NELL1: variants seen among roughly 807,000 people sequenced by gnomAD.
NELL1 encodes protein kinase C-binding protein NELL1.
Under a neutral mutation model 107.4 loss-of-function variants are expected in NELL1, and 76 were observed. That is an observed-to-expected ratio of 0.71 (90% confidence interval 0.59 to 0.86). The LOEUF (loss-of-function observed/expected upper bound fraction) is 0.86, where lower values mean the gene tolerates loss of function less well. Ranked by LOEUF, NELL1 falls within the 40% of genes least tolerant of loss-of-function variation. The pLI is 0.00. For missense variants in NELL1, 1,024 were observed against 1,005.5 expected, an observed-to-expected ratio of 1.02 and a Z score of -0.25; for synonymous variants, 353 against 341.2, an observed-to-expected ratio of 1.03 and a Z score of -0.38.
Position 20,828,020 on chromosome 11 carries a change from C to A in NELL1, c.336-19563C>A, listed in dbSNP as rs1461757852. 1.3e-5 allele frequency among the ~76,000 whole-genome samples: 2 copies of A among 151,278 alleles called. 1 individual carries two copies. Among genetic ancestry groups the A allele is most frequent in the Non-Finnish European group, 3.0e-5 (2 of 67,602 alleles). ...GCTAGAAACTTCATTTCCTTTACAACATCCTAGACATAGTGTCATGGAGCA... is the reference window on the plus strand; with the variant it reads ...GCTAGAAACTTCATTTCCTTTACAAAATCCTAGACATAGTGTCATGGAGCA... On this transcript the variant is annotated intron_variant, in intron 3 of 19. Transcript: ENST00000357134.
At chr11:21,444,509 G>C (rs775044277) in intron 15 of NELL1, among the ~76,000 whole-genome samples, 2 of 151,998 alleles carry the variant, frequency 1.3e-5, no homozygotes, top group Non-Finnish European at 2.9e-5. Flanking sequence ...TTGAGTCTTT[G>C]CTAATAGTAC....
intron 2 of NELL1, among the ~76,000 whole-genome samples, chr11:20,688,154 G>T (rs1231131143): frequency 6.6e-6 from 1 of 151,890 alleles, no homozygotes; most frequent in African/African-American, 2.4e-5. Flanking sequence ...AGTAGAATTT[G>T]TTATAGAGGC....
At chr11:21,125,397 A>G (rs1855464453) in intron 13 of NELL1, among the ~76,000 whole-genome samples, 1 of 152,196 alleles carries the variant, frequency 6.6e-6, no homozygotes, top group Admixed American at 6.5e-5. Context: ...TTCAGTCAGA[A>G]TAACTTGGAT....
chr11:20,693,519 G>A (rs553342863), intron 2 of NELL1, among the ~76,000 whole-genome samples: 3 of 152,146 alleles, frequency 2.0e-5, no homozygotes, highest in South Asian at 2.1e-4. Context: ...TGTCTGTAAA[G>A]TATTTTATTT....
At chr11:21,227,214 C>G (rs1218510669) in intron 13 of NELL1, among the ~76,000 whole-genome samples, 1 of 152,194 alleles carries the variant, frequency 6.6e-6, no homozygotes, top group Non-Finnish European at 1.5e-5. Flanking sequence ...CTCCAATGAA[C>G]TCTCAGTCTA....
intron 15 of NELL1, among the ~76,000 whole-genome samples, chr11:21,438,166 G>C (rs1363864876): frequency 6.6e-6 from 1 of 151,856 alleles, no homozygotes; most frequent in African/African-American, 2.4e-5. Context: ...CCACTCTATT[G>C]ATAATAATTT....
At chr11:21,174,728 A>G (rs1856677704) in intron 13 of NELL1, among the ~76,000 whole-genome samples, 1 of 151,730 alleles carries the variant, frequency 6.6e-6, no homozygotes, top group Non-Finnish European at 1.5e-5. Context: ...AATTCACATG[A>G]TGCATTAATT....
chr11:20,966,301 CT>C (rs914021590), intron 12 of NELL1, among the ~76,000 whole-genome samples: 1 of 152,010 alleles, frequency 6.6e-6, no homozygotes, highest in Non-Finnish European at 1.5e-5. Flanking sequence ...CAGAACTGGC[CT>C]TTTTATATGA....
intron 16 of NELL1, among the ~76,000 whole-genome samples, chr11:21,537,373 G>T (rs1314572029): frequency 6.6e-6 from 1 of 151,824 alleles, no homozygotes; most frequent in East Asian, 1.9e-4. Context: ...AAGGCTTTTT[G>T]ATCTTTTCAT....
chr11:21,085,638 A>T (rs1032593519), intron 12 of NELL1, among the ~76,000 whole-genome samples: 1 of 152,146 alleles, frequency 6.6e-6, no homozygotes, highest in Non-Finnish European at 1.5e-5. Context: ...TTAAAAAAAA[A>T]CCAAAAAACA....
intron 2 of NELL1, among the ~76,000 whole-genome samples, chr11:20,718,963 T>G (rs551451630): frequency 3.3e-5 from 5 of 152,324 alleles, no homozygotes; most frequent in African/African-American, 1.2e-4. Flanking sequence ...GCAGCCTTTA[T>G]GTAGAACTTT....
chr11:21,090,066 A>C (rs1026011168), intron 12 of NELL1, among the ~76,000 whole-genome samples: 2 of 152,190 alleles, frequency 1.3e-5, no homozygotes, highest in African/African-American at 4.8e-5. Context: ...AGCTATCTTC[A>C]TCTCTTATTG....
chr11:21,049,877 C>A (rs796755885), intron 12 of NELL1, among the ~76,000 whole-genome samples: 11 of 152,056 alleles, frequency 7.2e-5, no homozygotes, highest in African/African-American at 2.7e-4. Flanking sequence ...GGTGTTTCAC[C>A]ATATTGGTCA....
At chr11:21,373,138 C>A (rs1851394765) in intron 15 of NELL1, among the ~76,000 whole-genome samples, 1 of 152,042 alleles carries the variant, frequency 6.6e-6, no homozygotes, top group African/African-American at 2.4e-5. Context: ...TCATCTGTAG[C>A]AAAGTCATTC....
chr11:21,084,287 T>G (rs1424105715), intron 12 of NELL1, among the ~76,000 whole-genome samples: 1 of 152,196 alleles, frequency 6.6e-6, no homozygotes, highest in African/African-American at 2.4e-5. Context: ...ATCTCCATTT[T>G]CTAGTTTTTC....
In NELL1 at chr11:21,276,929, TAAAACCATA is replaced by T. The variant is rs1172776243; in HGVS notation, c.1549+47482_1549+47490del. On this transcript the variant is annotated intron_variant, in intron 14 of 19. Coordinates refer to ENST00000357134, the MANE Select transcript of NELL1 (RefSeq NM_006157.5). ...GGATTAAAGACTTAAATGTTAGACC[TAAAACCATA>T]AAAACCCTAGAAGAAAACCTAGGCA... is the stretch of plus-strand genomic sequence containing the variant. 4.8e-4 allele frequency among the ~76,000 whole-genome samples: 73 copies of T among 151,676 alleles called. 1 individual carries two copies. In the South Asian group the frequency reaches 0.015, roughly 30 times the overall value.
intron 15 of NELL1, among the ~76,000 whole-genome samples, chr11:21,509,212 G>T (rs751468572): frequency 6.6e-6 from 1 of 152,084 alleles, no homozygotes. Flanking sequence ...TAAAATTTCT[G>T]ACAATAGCGA....
chr11:20,843,271 CAAT>C (rs1848649503), intron 3 of NELL1, among the ~76,000 whole-genome samples: 1 of 152,042 alleles, frequency 6.6e-6, no homozygotes, highest in Non-Finnish European at 1.5e-5. Flanking sequence ...TCCTAGGAAG[CAAT>C]GGTTTGTTCA....
At chr11:20,732,565 T>C (rs574220399) in intron 2 of NELL1, among the ~76,000 whole-genome samples, 2 of 152,202 alleles carry the variant, frequency 1.3e-5, no homozygotes, top group South Asian at 4.1e-4. Context: ...TTGGAGATCA[T>C]TTGGGGCTGG....
Sources: allele counts gnomAD v4.1 joint callset (sites outside exome capture counted in the v4.1 genomes callset), GRCh38; gene constraint gnomAD v4.1.1; transcripts MANE v1.5; gene names NCBI Gene and HGNC (gene_info 2026-07-23, HGNC 2026-07-21).